The following ARHGAP25 variants were observed in gnomAD, a reference collection of about 807,000 sequenced individuals.
ARHGAP25 encodes Rho GTPase activating protein 25.
A neutral mutation model predicts 71.0 loss-of-function variants in ARHGAP25; 34 were observed. The observed-to-expected ratio is 0.48, with a 90% CI of 0.36 to 0.64. The LOEUF is 0.64. ARHGAP25 is among the 30% of genes least tolerant of loss of function. The probability of loss-of-function intolerance (pLI) is 0.00; values close to 1 mark genes in which losing one functional copy is unlikely to be tolerated. For synonymous variants in ARHGAP25, 282 were observed against 296.5 expected (o/e 0.95, Z 0.50); for missense variants, 706 against 805.1 (o/e 0.88, Z 1.49).
chr2:68,734,477 T>C (rs933586289), upstream of ARHGAP25, among the ~76,000 whole-genome samples: 3 of 152,186 alleles, frequency 2.0e-5, no homozygotes, highest in African/African-American at 2.4e-5. Context: ...ACATGGTCCT[T>C]ACAGCAGGAA....
intron 1 of ARHGAP25, among the ~76,000 whole-genome samples, chr2:68,746,788 C>A (rs182207365): frequency 6.6e-6 from 1 of 152,040 alleles, no homozygotes; most frequent in Non-Finnish European, 1.5e-5. Flanking sequence ...AGGAGGATCA[C>A]CTGAGGTTGG....
intron 2 of ARHGAP25, among the ~76,000 whole-genome samples, chr2:68,718,874 A>G (rs72822613): frequency 0.067 from 10,191 of 152,300 alleles, 482 homozygotes; most frequent in East Asian, 0.19. Flanking sequence ...AGACAAGGCC[A>G]TGATTAGAAG....
chr2:68,821,794 C>T (rs1238785070), intron 9 of ARHGAP25, among the ~76,000 whole-genome samples: 2 of 151,988 alleles, frequency 1.3e-5, no homozygotes, highest in East Asian at 3.9e-4. Flanking sequence ...TGATCTTGTC[C>T]TTTGCCCATA....
At chr2:68,802,249 A>G (rs898988888) in intron 4 of ARHGAP25, among the ~76,000 whole-genome samples, 12 of 148,730 alleles carry the variant, frequency 8.1e-5, no homozygotes, top group Non-Finnish European at 1.7e-4. Flanking sequence ...TCTACTAAAA[A>G]TACAAAATAT....
chr2:68,764,280 G>T (rs1279327556), intron 1 of ARHGAP25, among the ~76,000 whole-genome samples: 6 of 152,074 alleles, frequency 3.9e-5, no homozygotes, highest in Admixed American at 6.5e-5. Context: ...TGTGGCTTCT[G>T]GATTGTTTTC....
At chr2:68,791,420 T>G (rs1055110652) in intron 4 of ARHGAP25, among the ~76,000 whole-genome samples, 1 of 152,180 alleles carries the variant, frequency 6.6e-6, no homozygotes, top group Admixed American at 6.5e-5. Context: ...TAGGCTCTTC[T>G]CTGTTAGATG....
chr2:68,776,768 A>G (rs1326151394), intron 2 of ARHGAP25, among the ~76,000 whole-genome samples: 1 of 152,194 alleles, frequency 6.6e-6, no homozygotes. Context: ...GGGCTTGGCC[A>G]GAAGGAGCTT....
chr2:68,729,578 T>TA (rs566072113), intron 2 of ARHGAP25, among the ~76,000 whole-genome samples: 218 of 152,278 alleles, frequency 1.4e-3, no homozygotes, highest in African/African-American at 5.0e-3. Flanking sequence ...CACTATTTAA[T>TA]AAAAAAAGTA....
intron 2 of ARHGAP25, among the ~76,000 whole-genome samples, chr2:68,779,881 A>G (rs557715332): frequency 1.3e-5 from 2 of 152,224 alleles, no homozygotes; most frequent in Non-Finnish European, 2.9e-5. Context: ...ATGAAGTTCA[A>G]GCCTCTCATG....
chr2:68,814,327 A>G (rs1344337049), intron 6 of ARHGAP25, among the ~76,000 whole-genome samples: 1 of 152,264 alleles, frequency 6.6e-6, no homozygotes, highest in African/African-American at 2.4e-5. Context: ...GCACCGTTCA[A>G]TATGGTGACC....
At position 68,826,569 on chromosome 2, in the gene ARHGAP25, C is replaced by T; in HGVS notation, c.*375C>T. On this transcript the variant is annotated 3_prime_UTR_variant, in exon 11 of 11. Transcript: ENST00000409202. ...TTGTTTTTTGTGTGGAACAGCTCAC[C>T]TTGTCAGACAGCCTCAGGGCATCTC... The T allele has an allele frequency of 5.7e-6, 2 of 352,090 alleles. No homozygotes were observed. The highest frequency in any genetic ancestry group is 4.0e-5 in the Admixed American group (1 of 24,900). 21.8% of individuals were successfully genotyped at this position (352,090 alleles called of 1,614,324 possible).
At chr2:68,786,401 G>A (rs2104399282) in intron 3 of ARHGAP25, among the ~76,000 whole-genome samples, 1 of 152,330 alleles carries the variant, frequency 6.6e-6, no homozygotes, top group Non-Finnish European at 1.5e-5. Context: ...GACTTGCCCT[G>A]TGTTTGGCAG....
intron 1 of ARHGAP25, among the ~76,000 whole-genome samples, chr2:68,752,169 C>T (rs1451206138): frequency 6.6e-6 from 1 of 152,216 alleles, no homozygotes; most frequent in African/African-American, 2.4e-5. Flanking sequence ...TTACCCTCCA[C>T]GTCCTGACAT....
At chr2:68,724,907 A>G (rs1366866944) in intron 2 of ARHGAP25, among the ~76,000 whole-genome samples, 1 of 152,214 alleles carries the variant, frequency 6.6e-6, no homozygotes, top group Non-Finnish European at 1.5e-5. Flanking sequence ...TATATGAAGT[A>G]TTGGCCACTT....
intron 5 of ARHGAP25, among the ~76,000 whole-genome samples, chr2:68,809,824 G>A (rs1416238757): frequency 6.6e-6 from 1 of 152,130 alleles, no homozygotes; most frequent in African/African-American, 2.4e-5. Flanking sequence ...CTAGAATGAA[G>A]GTGAGCAAAG....
At chr2:68,760,192 G>A (rs1676717246) in intron 1 of ARHGAP25, among the ~76,000 whole-genome samples, 1 of 151,936 alleles carries the variant, frequency 6.6e-6, no homozygotes, top group African/African-American at 2.4e-5. Flanking sequence ...CTACCTCAAT[G>A]TAATAAAAGT....
At chr2:68,799,744 G>A (rs1573570526) in intron 4 of ARHGAP25, among the ~76,000 whole-genome samples, 1 of 152,350 alleles carries the variant, frequency 6.6e-6, no homozygotes, top group Non-Finnish European at 1.5e-5. Context: ...GGGAAGTGCT[G>A]GGGGAAGAAG....
At position 68,740,424 on chromosome 2, in the gene ARHGAP25, C is replaced by T. The variant is rs187585461; in HGVS notation, c.61+5164C>T. The stretch of plus-strand genomic sequence containing the variant: ...TGGCCCTTCTTACCTGCCCACCTCT[C>T]TCTTGCCACCTTCCCTTCTCCTGCT... On this transcript the variant is annotated intron_variant, in intron 1 of 10. Coordinates refer to ENST00000409202, the MANE Select transcript of ARHGAP25 (RefSeq NM_001007231.3). 8.5e-5 allele frequency among the ~76,000 whole-genome samples: 13 copies of T among 152,344 alleles called. No individual in the cohort carries two copies. The East Asian group carries it at 2.5e-3, about 29-fold the overall frequency.
chr2:68,767,951 C>T lies in ARHGAP25; in HGVS notation c.62-7270C>T, dbSNP rs1344606543. ...AGCTCAGTGAAAGGTGGCATGGTCT[C>T]TCCTGTCCACTTCACTCTGGATTCT... On this transcript the variant is annotated intron_variant, in intron 1 of 10. Coordinates refer to ENST00000409202, the MANE Select transcript of ARHGAP25 (RefSeq NM_001007231.3). This position sits in a 1 kb window ranked among gnomAD's most constrained non-coding sequence, Gnocchi z 4.6. 6.6e-6 allele frequency among the ~76,000 whole-genome samples: 1 copy of T among 152,200 alleles called. No homozygotes were observed. Among genetic ancestry groups the T allele is most frequent in the Non-Finnish European group, 1.5e-5 (1 of 68,044 alleles).
Sources: allele counts gnomAD v4.1 joint callset (sites outside exome capture counted in the v4.1 genomes callset), GRCh38; gene constraint gnomAD v4.1.1; non-coding constraint Gnocchi (gnomAD v3.1); transcripts MANE v1.5; gene names NCBI Gene and HGNC (gene_info 2026-07-23, HGNC 2026-07-21).